The following MBOAT1 variants were observed in gnomAD, a reference collection of about 807,000 sequenced individuals.
The protein encoded by MBOAT1 is membrane bound glycerophospholipid O-acyltransferase 1.
In MBOAT1, 67 loss-of-function variants were observed where a neutral mutation model predicts 64.4. That is an observed-to-expected ratio of 1.04 (90% CI 0.85 to 1.27). The LOEUF is 1.27. MBOAT1 is among the 50% of genes most tolerant of loss of function. The pLI is 0.00. For synonymous variants in MBOAT1, 229 were observed against 218.9 expected, an observed-to-expected ratio of 1.05 and a Z score of -0.41; for missense variants, 563 against 604.6, an observed-to-expected ratio of 0.93 and a Z score of 0.72.
intron 1 of MBOAT1, among the ~76,000 whole-genome samples, chr6:20,188,899 A>G (rs1296270323): frequency 2.6e-5 from 4 of 152,146 alleles, no homozygotes; most frequent in Admixed American, 2.6e-4. Context: ...TGTTTGAAAG[A>G]ACTCAACCAA....
intron 8 of MBOAT1, among the ~76,000 whole-genome samples, chr6:20,121,391 T>C (rs59230514): frequency 6.6e-6 from 1 of 152,118 alleles, no homozygotes; most frequent in Non-Finnish European, 1.5e-5. Flanking sequence ...AAACCTCAAA[T>C]TGAGGCCATA....
At chr6:20,126,756 A>G in intron 6 of MBOAT1, 56 bp from the exon 7 acceptor site, 1 of 1,279,172 alleles carries the variant, frequency 7.8e-7, no homozygotes, top group Non-Finnish European at 1.1e-6. Context: ...TTTTCTTCAG[A>G]ATCTGTAAAT....
chr6:20,146,624 C>G (rs1274725174), intron 3 of MBOAT1, among the ~76,000 whole-genome samples: 1 of 152,172 alleles, frequency 6.6e-6, no homozygotes, highest in Non-Finnish European at 1.5e-5. Context: ...AAAGCAGACT[C>G]AAAAGATAGA....
At chr6:20,138,937 A>G (rs948103749) in intron 4 of MBOAT1, among the ~76,000 whole-genome samples, 6 of 152,208 alleles carry the variant, frequency 3.9e-5, no homozygotes, top group African/African-American at 1.2e-4. Flanking sequence ...CCGGTGACTG[A>G]CGGCAACCCT....
intron 1 of MBOAT1, among the ~76,000 whole-genome samples, chr6:20,163,117 A>G (rs1761910961): frequency 6.6e-6 from 1 of 152,210 alleles, no homozygotes; most frequent in Non-Finnish European, 1.5e-5. Flanking sequence ...CTGTCTCTTT[A>G]GGCTTCGAGG....
chr6:20,185,415 G>A (rs1320889437), intron 1 of MBOAT1, among the ~76,000 whole-genome samples: 1 of 152,178 alleles, frequency 6.6e-6, no homozygotes, highest in Non-Finnish European at 1.5e-5. Context: ...CAGTAAGGCA[G>A]GTTACCATGC....
chr6:20,142,328 T>C (rs914967131), intron 4 of MBOAT1, among the ~76,000 whole-genome samples: 2 of 152,242 alleles, frequency 1.3e-5, no homozygotes, highest in African/African-American at 2.4e-5. Flanking sequence ...GGTTTGTTGA[T>C]TGAATGCTAT....
chr6:20,158,883 G>T (rs560767290), intron 1 of MBOAT1, among the ~76,000 whole-genome samples: 1 of 152,250 alleles, frequency 6.6e-6, no homozygotes, highest in African/African-American at 2.4e-5. Context: ...CCTCACGTGT[G>T]TTAGAATGAC....
At chr6:20,149,343 A>C (rs1384720506) in intron 3 of MBOAT1, among the ~76,000 whole-genome samples, 2 of 152,168 alleles carry the variant, frequency 1.3e-5, no homozygotes, top group South Asian at 4.1e-4. Flanking sequence ...TGACCCTCTG[A>C]AAAATGGACC....
chr6:20,208,777 G>C (rs1027675371), intron 1 of MBOAT1, among the ~76,000 whole-genome samples: 3 of 152,082 alleles, frequency 2.0e-5, no homozygotes, highest in Admixed American at 6.6e-5. Context: ...GGCACCATCA[G>C]GTGAAATACC....
intron 1 of MBOAT1, among the ~76,000 whole-genome samples, chr6:20,184,408 T>C (rs1762591536): frequency 6.6e-6 from 1 of 152,042 alleles, no homozygotes; most frequent in African/African-American, 2.4e-5. Flanking sequence ...CAGAGAACAG[T>C]GGGTGATTAT....
At chr6:20,173,748 C>T (rs565742855) in intron 1 of MBOAT1, among the ~76,000 whole-genome samples, 56 of 151,868 alleles carry the variant, frequency 3.7e-4, no homozygotes, top group Non-Finnish European at 5.6e-4. Flanking sequence ...GTCAGGAGTT[C>T]GAGACGAGCC....
At chr6:20,106,524 G>A (rs531973676) in intron 12 of MBOAT1, among the ~76,000 whole-genome samples, 3 of 152,224 alleles carry the variant, frequency 2.0e-5, no homozygotes, top group East Asian at 3.9e-4. Flanking sequence ...CCGGGTTCAA[G>A]CAATTCTCCT....
chr6:20,156,586 G>A (rs1180597591), intron 1 of MBOAT1, among the ~76,000 whole-genome samples: 1 of 152,202 alleles, frequency 6.6e-6, no homozygotes, highest in Non-Finnish European at 1.5e-5. Flanking sequence ...TAAGGTACAG[G>A]CTGAACCAGA....
intron 1 of MBOAT1, among the ~76,000 whole-genome samples, chr6:20,180,385 C>G (rs182595685): frequency 0.01 from 1,554 of 152,128 alleles, 30 homozygotes; most frequent in African/African-American, 0.035. Context: ...TCCACTCACC[C>G]TTGCCCTCAT....
At chr6:20,175,702 G>C (rs1387494538) in intron 1 of MBOAT1, among the ~76,000 whole-genome samples, 1 of 151,144 alleles carries the variant, frequency 6.6e-6, no homozygotes, top group Non-Finnish European at 1.5e-5. Flanking sequence ...AAACTCCTGA[G>C]CTCAGGCAAT....
intron 4 of MBOAT1, among the ~76,000 whole-genome samples, chr6:20,133,784 C>T (rs934897103): frequency 2.6e-5 from 4 of 152,136 alleles, no homozygotes; most frequent in African/African-American, 4.8e-5. Flanking sequence ...CGGTGGCGCA[C>T]GTTAAGCAAA....
At chr6:20,144,481 C>T (rs1377576519) in intron 3 of MBOAT1, among the ~76,000 whole-genome samples, 166 bp from the exon 4 acceptor site, 1 of 152,118 alleles carries the variant, frequency 6.6e-6, no homozygotes, top group Admixed American at 6.6e-5. Flanking sequence ...CTAGCTGAAC[C>T]CCTCATCTCT....
At chr6:20,108,864 A>C (rs1327944181) in intron 12 of MBOAT1, among the ~76,000 whole-genome samples, 3 of 152,254 alleles carry the variant, frequency 2.0e-5, no homozygotes, top group Admixed American at 6.5e-5. Context: ...TTTCCAGTTG[A>C]GAAAACACAG....
Sources: allele counts gnomAD v4.1 joint callset (sites outside exome capture counted in the v4.1 genomes callset), GRCh38; gene constraint gnomAD v4.1.1; transcripts MANE v1.5; gene names NCBI Gene and HGNC (gene_info 2026-07-23, HGNC 2026-07-21).